Variants in PTPRK observed in about 807,000 individuals in gnomAD.
PTPRK encodes the protein receptor-type tyrosine-protein phosphatase kappa.
PTPRK carries 75 observed loss-of-function variants against 178.0 expected under a neutral mutation model. That is an observed-to-expected ratio of 0.42 (90% CI 0.35 to 0.51). The LOEUF is 0.51. Among genes scored for constraint, PTPRK ranks in the 20% least tolerant of loss-of-function variants. The pLI is 0.02. For missense variants in PTPRK, 1,441 were observed against 1,797.8 expected (o/e 0.80, Z 3.59); for synonymous variants, 637 against 620.6 (o/e 1.03, Z -0.39).
chr6:128,055,942 G>T (rs1015999944), intron 13 of PTPRK, among the ~76,000 whole-genome samples: 2 of 150,554 alleles, frequency 1.3e-5, no homozygotes, highest in Non-Finnish European at 3.0e-5. Flanking sequence ...TCCCTTACCA[G>T]AAGTGTCCAT....
At chr6:128,176,745 T>C in intron 7 of PTPRK, among the ~76,000 whole-genome samples, 1 of 151,780 alleles carries the variant, frequency 6.6e-6, no homozygotes. Context: ...AGGCCATATC[T>C]TGCAGGAAGA....
At chr6:128,094,050 G>C (rs1331646645) in intron 7 of PTPRK, among the ~76,000 whole-genome samples, 2 of 152,092 alleles carry the variant, frequency 1.3e-5, no homozygotes, top group Non-Finnish European at 2.9e-5. Flanking sequence ...TACAAAAAAT[G>C]GAAGAAACGA....
intron 1 of PTPRK, among the ~76,000 whole-genome samples, chr6:128,422,784 A>G (rs538908437): frequency 6.6e-6 from 1 of 150,998 alleles, no homozygotes; most frequent in East Asian, 2.0e-4. Flanking sequence ...CTGGTCAGTT[A>G]CTGGTACATA....
At chr6:128,118,372 G>A (rs899970350) in intron 7 of PTPRK, among the ~76,000 whole-genome samples, 2 of 152,128 alleles carry the variant, frequency 1.3e-5, no homozygotes, top group Non-Finnish European at 1.5e-5. Flanking sequence ...CTCTAATATG[G>A]CCACTTCTGC....
intron 5 of PTPRK, among the ~76,000 whole-genome samples, chr6:128,226,427 A>G (rs1380755746): frequency 1.3e-5 from 2 of 152,178 alleles, no homozygotes; most frequent in Admixed American, 6.5e-5. Flanking sequence ...TAAATACTAA[A>G]CTAGGTGACC....
chr6:128,393,826 AT>A (rs1271954893), intron 2 of PTPRK, among the ~76,000 whole-genome samples: 2 of 152,008 alleles, frequency 1.3e-5, no homozygotes, highest in Non-Finnish European at 2.9e-5. Flanking sequence ...ATTGGTTTTT[AT>A]TTTTTTCAAT....
chr6:128,504,579 G>A (rs1856054032), intron 1 of PTPRK, among the ~76,000 whole-genome samples: 1 of 152,170 alleles, frequency 6.6e-6, no homozygotes, highest in African/African-American at 2.4e-5. Context: ...ACTGGGATGT[G>A]CATTCCTGAT....
chr6:128,211,662 A>G (rs575990510), intron 6 of PTPRK, among the ~76,000 whole-genome samples: 4 of 152,202 alleles, frequency 2.6e-5, no homozygotes, highest in Admixed American at 2.0e-4. Context: ...TTTACTGGTC[A>G]GCAGAATGTA....
At chr6:128,180,748 T>C (rs755243438) in intron 7 of PTPRK, among the ~76,000 whole-genome samples, 8 of 152,152 alleles carry the variant, frequency 5.3e-5, no homozygotes, top group Non-Finnish European at 1.0e-4. Flanking sequence ...AAATGTGAAG[T>C]TGCAAATATT....
chr6:128,155,801 C>G (rs1268272837), intron 7 of PTPRK, among the ~76,000 whole-genome samples: 1 of 151,698 alleles, frequency 6.6e-6, no homozygotes. Context: ...TCCTTATTTT[C>G]TAGTGTTATG....
intron 1 of PTPRK, among the ~76,000 whole-genome samples, chr6:128,457,295 T>A (rs1297300691): frequency 6.6e-6 from 1 of 152,156 alleles, no homozygotes; most frequent in African/African-American, 2.4e-5. Flanking sequence ...TACCATATTC[T>A]TTTATTCACT....
chr6:128,079,116 T>C (rs1338770072), intron 10 of PTPRK, among the ~76,000 whole-genome samples, 198 bp from the exon 11 acceptor site: 1 of 152,062 alleles, frequency 6.6e-6, no homozygotes, highest in Non-Finnish European at 1.5e-5. Flanking sequence ...AAAACCAAGA[T>C]TTGCTGTGGA....
intron 2 of PTPRK, among the ~76,000 whole-genome samples, chr6:128,379,400 C>T (rs1837559053): frequency 6.6e-6 from 1 of 152,176 alleles, no homozygotes; most frequent in African/African-American, 2.4e-5. Context: ...CAACACAATA[C>T]ACTTGTTACT....
intron 22 of PTPRK, among the ~76,000 whole-genome samples, chr6:127,983,940 G>A (rs963891741): frequency 7.2e-6 from 1 of 138,236 alleles, no homozygotes; most frequent in South Asian, 2.2e-4. Flanking sequence ...TATCAAAGGG[G>A]AGGAGAGTAA....
At chr6:128,436,931 C>G (rs1190980595) in intron 1 of PTPRK, among the ~76,000 whole-genome samples, 2 of 152,122 alleles carry the variant, frequency 1.3e-5, no homozygotes, top group Non-Finnish European at 2.9e-5. Context: ...CAACGTTACA[C>G]CTATAGTTAG....
chr6:128,242,403 G>C (rs1814633000), intron 4 of PTPRK, 118 bp downstream of exon 4: 3 of 1,333,034 alleles, frequency 2.3e-6, no homozygotes, highest in Non-Finnish European at 3.0e-6. Flanking sequence ...TAGAAGGCTA[G>C]GACTAACAAT....
intron 3 of PTPRK, among the ~76,000 whole-genome samples, chr6:128,298,680 TA>T (rs1824955233): frequency 3.3e-5 from 5 of 152,152 alleles, no homozygotes. Context: ...CCCTTCATGC[TA>T]AAAACTCTCA....
At chr6:128,153,450 T>C (rs1797555041) in intron 7 of PTPRK, among the ~76,000 whole-genome samples, 1 of 152,014 alleles carries the variant, frequency 6.6e-6, no homozygotes, top group South Asian at 2.1e-4. Context: ...TTCCTATTAA[T>C]TAAGGCATAT....
intron 2 of PTPRK, among the ~76,000 whole-genome samples, chr6:128,327,176 TTTTATC>T (rs929460875): frequency 2.0e-5 from 3 of 152,098 alleles, no homozygotes; most frequent in African/African-American, 7.2e-5. Flanking sequence ...ATTAATTATT[TTTTATC>T]TTTAAGTTAC....
Sources: allele counts gnomAD v4.1 joint callset (sites outside exome capture counted in the v4.1 genomes callset), GRCh38; gene constraint gnomAD v4.1.1; transcripts MANE v1.5; gene names NCBI Gene and HGNC (gene_info 2026-07-23, HGNC 2026-07-21).